The following TMEM71 variants were observed in gnomAD, a reference collection of about 807,000 sequenced individuals.
TMEM71 encodes transmembrane protein 71.
Under a neutral mutation model 38.0 loss-of-function variants are expected in TMEM71, and 44 were observed. The observed-to-expected ratio is 1.16, with a 90% CI of 0.91 to 1.49. The LOEUF is 1.49. TMEM71 is among the 40% of genes most tolerant of loss of function. The pLI is 0.00. For synonymous variants in TMEM71, 133 were observed against 122.5 expected (o/e 1.09, Z -0.56); for missense variants, 367 against 348.6 (o/e 1.05, Z -0.42).
rs1826185152 is a variant in TMEM71 at position 132,710,585 on chromosome 8, G to A, written c.*382C>T. ...GCAATTCAGCAAGAGATAGGTGCAT[G>A]TGGCAGACCCAGAAATCTGGTTACA... is the stretch of plus-strand genomic sequence containing the variant. On this transcript the variant is annotated 3_prime_UTR_variant, in exon 10 of 10. Transcript: ENST00000677595. The A allele has an allele frequency of 2.2e-6, 1 of 445,046 alleles. No homozygotes were observed. Among genetic ancestry groups the A allele is most frequent in the Non-Finnish European group, 3.9e-6 (1 of 255,246 alleles). The allele number at this position is 445,046 out of a possible 1,614,324, so 27.6% of individuals were successfully genotyped here. A position where few individuals can be genotyped will look rare whatever the true frequency, so the allele number is the denominator to read the frequency against.
chr8:132,775,247 G>C, the TMEM71 span: 5 of 315,510 alleles, frequency 1.6e-5, no homozygotes, highest in Admixed American at 2.5e-4. Context: ...GTCCGTCAAC[G>C]ACCGCAAAGC....
At chr8:132,723,976 G>A (rs924285450) in intron 6 of TMEM71, among the ~76,000 whole-genome samples, 5 of 152,134 alleles carry the variant, frequency 3.3e-5, no homozygotes, top group African/African-American at 7.2e-5. Context: ...GTAGGACTGT[G>A]ATGCCCACCT....
chr8:132,712,324 G>T (rs529033271), intron 9 of TMEM71, among the ~76,000 whole-genome samples: 1 of 152,286 alleles, frequency 6.6e-6, no homozygotes, highest in South Asian at 2.1e-4. Context: ...AAAAGTGTTT[G>T]TTCAGGATAG....
rs192746713 is a variant in TMEM71 at position 132,715,278 on chromosome 8, C to A, written c.753-1063G>T. On this transcript the variant is annotated intron_variant, in intron 7 of 9. Transcript: ENST00000677595. ...AAAAAAAAATAGCCGGGCGTGGTGG[C>A]GGGCGCCTGTAGTCCCAGCTACTTG... Among the ~76,000 whole-genome samples, 45 of 151,146 alleles carry A rather than the reference C, an allele frequency of 3.0e-4. No individual in the cohort carries two copies. In the East Asian group the frequency reaches 8.0e-3, roughly 27 times the overall value.
intron 4 of TMEM71, among the ~76,000 whole-genome samples, chr8:132,747,567 C>T (rs1470323584): frequency 6.6e-6 from 1 of 152,186 alleles, no homozygotes; most frequent in Non-Finnish European, 1.5e-5. Context: ...AGTTGGGATG[C>T]AATCCCAGAG....
intron 7 of TMEM71, among the ~76,000 whole-genome samples, chr8:132,720,236 A>G (rs1586785775): frequency 6.6e-6 from 1 of 152,018 alleles, no homozygotes; most frequent in East Asian, 1.9e-4. Context: ...TCCTTACTCT[A>G]CTCCCTGGAA....
chr8:132,751,705 G>A lies in TMEM71; in HGVS notation c.314+80C>T. On this transcript the variant is annotated intron_variant, in intron 4 of 9. Coordinates refer to ENST00000677595, the MANE Select transcript of TMEM71 (RefSeq NM_001382403.1). ...AATAATGGGCTCCTTATAAAAGATA[G>A]TTGAGTGAATAAATGAATGAATAAA... 10 of 1,363,558 alleles carry A rather than the reference G, an allele frequency of 7.3e-6. 1 individual carries two copies. The South Asian group carries it at 1.1e-4, about 14-fold the overall frequency. 84.5% of individuals were successfully genotyped at this position (1,363,558 alleles called of 1,614,324 possible).
Position 132,751,880 on chromosome 8 carries a change from A to T in TMEM71, c.219T>A (p.Tyr73Ter). The change falls in exon 4 of 10, where the codon TAT (tyrosine) becomes TAA (stop). Residue 73 changes from tyrosine to a stop codon, truncating the protein, a stop_gained. Transcript: ENST00000677595. LOFTEE classifies it high-confidence loss of function. ...RSPRLLTNGY[Y>*]IWTEDSFLCD... ...ACAGGAAGCTGTCTTCAGTCCAAAT[A>T]TAGTAGCCATTGGTGAGGAGTCTGG... The T allele has an allele frequency of 6.2e-7, 1 of 1,614,052 alleles. No homozygotes were observed. Among genetic ancestry groups the T allele is most frequent in the South Asian group, 1.1e-5 (1 of 91,078 alleles).
At chr8:132,774,763 G>C in the TMEM71 span, among the ~76,000 whole-genome samples, 1 of 152,170 alleles carries the variant, frequency 6.6e-6, no homozygotes, top group Middle Eastern at 3.2e-3. Context: ...TAGCTGTGTA[G>C]TCTTGGGGAA....
chr8:132,775,737 G>T, the TMEM71 span: 2 of 284,640 alleles, frequency 7.0e-6, no homozygotes, highest in African/African-American at 4.5e-5. Flanking sequence ...TTTCCGGCCC[G>T]CTCCCCTCCC....
chr8:132,763,631 C>T (rs1238757556), upstream of TMEM71, among the ~76,000 whole-genome samples: 1 of 152,170 alleles, frequency 6.6e-6, no homozygotes, highest in African/African-American at 2.4e-5. Flanking sequence ...TGCTACTATA[C>T]ACAGGAAACA....
chr8:132,734,964 A>G (rs1439238918), intron 5 of TMEM71, among the ~76,000 whole-genome samples: 1 of 152,212 alleles, frequency 6.6e-6, no homozygotes, highest in Non-Finnish European at 1.5e-5. Flanking sequence ...AAAGCCACAT[A>G]CTGATGTTGC....
intron 6 of TMEM71, among the ~76,000 whole-genome samples, chr8:132,726,877 A>T (rs1168983423): frequency 4.8e-5 from 6 of 125,026 alleles, no homozygotes; most frequent in Non-Finnish European, 6.5e-5. Context: ...TTGGAGTCTT[A>T]CTCTGTCACC....
At chr8:132,737,959 A>G (rs562136031) in intron 5 of TMEM71, among the ~76,000 whole-genome samples, 1 of 152,190 alleles carries the variant, frequency 6.6e-6, no homozygotes, top group Non-Finnish European at 1.5e-5. Flanking sequence ...TCTATTTCCC[A>G]TAAGATATCT....
intron 9 of TMEM71, among the ~76,000 whole-genome samples, chr8:132,712,259 G>A (rs1411406039): frequency 6.6e-6 from 1 of 152,106 alleles, no homozygotes; most frequent in African/African-American, 2.4e-5. Context: ...ACAAGTCAAA[G>A]TATGTACACA....
chr8:132,730,122 C>T (rs1827372938), intron 5 of TMEM71, among the ~76,000 whole-genome samples: 1 of 152,126 alleles, frequency 6.6e-6, no homozygotes, highest in South Asian at 2.1e-4. Context: ...CCATGCCCAG[C>T]TAATTTTGTA....
At chr8:132,732,125 G>C (rs1480990814) in intron 5 of TMEM71, among the ~76,000 whole-genome samples, 1 of 152,216 alleles carries the variant, frequency 6.6e-6, no homozygotes, top group Non-Finnish European at 1.5e-5. Flanking sequence ...TCATGATCTG[G>C]AGAGGGACAT....
chr8:132,759,601 A>C (rs1008201093), intron 1 of TMEM71, among the ~76,000 whole-genome samples: 3 of 152,242 alleles, frequency 2.0e-5, no homozygotes, highest in African/African-American at 7.2e-5. Context: ...TTTACTGTTC[A>C]TCAAATAGAA....
At chr8:132,715,207 C>A (rs951988263) in intron 7 of TMEM71, among the ~76,000 whole-genome samples, 2 of 151,580 alleles carry the variant, frequency 1.3e-5, no homozygotes, top group African/African-American at 4.9e-5. Flanking sequence ...GAGATTGAGA[C>A]CGTCCTGGCT....
Sources: gnomAD v4.1 joint callset for allele counts (sites outside exome capture counted in the v4.1 genomes callset) on GRCh38, gnomAD v4.1.1 for gene constraint, MANE v1.5 for transcripts, NCBI Gene and HGNC (gene_info 2026-07-23, HGNC 2026-07-21) for gene names.